LRRC36: variants seen among roughly 807,000 people sequenced by gnomAD.
LRRC36 encodes the protein leucine rich repeat containing 36.
In LRRC36, 62 loss-of-function variants were observed where a neutral mutation model predicts 81.1. The observed-to-expected ratio is 0.76, with a 90% CI of 0.62 to 0.94. The LOEUF is 0.94. Among genes scored for constraint, LRRC36 ranks in the 40% least tolerant of loss-of-function variants. The pLI, the probability that LRRC36 is intolerant of heterozygous loss-of-function variation, is 0.00. For missense variants in LRRC36, 761 were observed against 881.7 expected (o/e 0.86, Z 1.73); for synonymous variants, 334 against 348.6 (o/e 0.96, Z 0.47).
chr16:67,363,666 C>A lies in LRRC36; in HGVS notation c.654C>A (p.Gly218=). The stretch of plus-strand genomic sequence containing the variant: ...CCCTAAGTACTTCTGCAACTCAGGG[C>A]AATGGTACACGTGATCAGAAATTAG... ...KDSLSTSATQ[G]NGTRDQKLDT... Residue 218 remains glycine, a synonymous_variant, in exon 6 of 14, where the codon GGC becomes GGA. Transcript: ENST00000329956. 6.2e-7 allele frequency: 1 copy of A among 1,613,672 alleles called. No homozygotes were observed. Among genetic ancestry groups the A allele is most frequent in the Middle Eastern group, 1.6e-4 (1 of 6,062 alleles).
At chr16:67,369,264 C>A (rs1347251348) in intron 8 of LRRC36, among the ~76,000 whole-genome samples, 1 of 152,094 alleles carries the variant, frequency 6.6e-6, no homozygotes, top group Non-Finnish European at 1.5e-5. Flanking sequence ...GAGAAACCAT[C>A]ATGGAGAGTG....
At chr16:67,343,077 A>C (rs1041335583) in intron 2 of LRRC36, among the ~76,000 whole-genome samples, 4 of 152,232 alleles carry the variant, frequency 2.6e-5, no homozygotes, top group Non-Finnish European at 4.4e-5. Flanking sequence ...GTTCTTTCAC[A>C]GGTGATAGGA....
chr16:67,371,302 G>A (rs2142131104), intron 9 of LRRC36, 60 bp downstream of exon 9: 1 of 1,589,578 alleles, frequency 6.3e-7, no homozygotes. Context: ...ACCAGAATGA[G>A]GGTTCTGTTG....
At chr16:67,331,223 G>A (rs1349519460) in intron 1 of LRRC36, among the ~76,000 whole-genome samples, 2 of 152,102 alleles carry the variant, frequency 1.3e-5, no homozygotes, top group Non-Finnish European at 1.5e-5. Context: ...GCCCCACCTC[G>A]CAGTGCTGTT....
chr16:67,357,373 G>A (rs1375037138), intron 5 of LRRC36, among the ~76,000 whole-genome samples: 1 of 152,156 alleles, frequency 6.6e-6, no homozygotes, highest in Non-Finnish European at 1.5e-5. Context: ...TTAAATGTCA[G>A]GGATTGTGTT....
At chr16:67,376,894 T>G in intron 11 of LRRC36, 22 bp downstream of exon 11, 1 of 1,594,850 alleles carries the variant, frequency 6.3e-7, no homozygotes, top group Non-Finnish European at 8.6e-7. Context: ...TCATCTCCCT[T>G]TAGAAAAGGA....
chr16:67,361,664 C>T (rs2039150898), intron 5 of LRRC36, among the ~76,000 whole-genome samples: 1 of 152,112 alleles, frequency 6.6e-6, no homozygotes, highest in Admixed American at 6.5e-5. Flanking sequence ...CCTCTGCTTC[C>T]CGGGTTCAAG....
intron 6 of LRRC36, chr16:67,365,077 G>A: frequency 2.1e-6 from 1 of 481,142 alleles, no homozygotes. Context: ...GTCATTGTTT[G>A]CTATGTCCTT....
chr16:67,332,640 GTTTGTC>G (rs2037551850), intron 1 of LRRC36, among the ~76,000 whole-genome samples: 1 of 152,154 alleles, frequency 6.6e-6, no homozygotes, highest in Non-Finnish European at 1.5e-5. Context: ...ATTAAAGAAT[GTTTGTC>G]TTTGTGGCAG....
chr16:67,346,958 T>G (rs1419987722), intron 3 of LRRC36, among the ~76,000 whole-genome samples: 1 of 152,212 alleles, frequency 6.6e-6, no homozygotes, highest in Admixed American at 6.5e-5. Context: ...CACTGCCGCC[T>G]GGACCTCCCA....
intron 1 of LRRC36, among the ~76,000 whole-genome samples, chr16:67,328,210 A>T (rs2037295517): frequency 6.6e-6 from 1 of 152,036 alleles, no homozygotes; most frequent in African/African-American, 2.4e-5. Context: ...TCTGTGGGTA[A>T]TATAATAATT....
At position 67,351,477 on chromosome 16, in the gene LRRC36, T is replaced by G. The variant is rs75801147; in HGVS notation, c.577+1187T>G. On this transcript the variant is annotated intron_variant, in intron 5 of 13. Transcript: ENST00000329956. The stretch of plus-strand genomic sequence containing the variant: ...ATCTCAGCACTTTGGGAGGCTGAGA[T>G]GGGCAGATCACCTAAGGCCAGGAAT... Among the ~76,000 whole-genome samples the G allele has an allele frequency of 4.6e-3, 699 of 152,278 alleles. 4 individuals carry two copies. The highest frequency in any genetic ancestry group is 0.015 in the African/African-American group (644 of 41,554).
intron 7 of LRRC36, among the ~76,000 whole-genome samples, chr16:67,366,356 T>C (rs2039386763): frequency 6.6e-6 from 1 of 152,168 alleles, no homozygotes; most frequent in Non-Finnish European, 1.5e-5. Flanking sequence ...GGCTCATGCC[T>C]GTAATCCCAG....
intron 1 of LRRC36, among the ~76,000 whole-genome samples, chr16:67,331,175 C>T (rs1013643777): frequency 6.6e-6 from 1 of 151,366 alleles, no homozygotes; most frequent in Non-Finnish European, 1.5e-5. Flanking sequence ...TCCATGATAA[C>T]AGCATGAAGC....
intron 8 of LRRC36, among the ~76,000 whole-genome samples, chr16:67,369,789 A>G (rs930033422): frequency 5.9e-5 from 9 of 152,172 alleles, no homozygotes; most frequent in Middle Eastern, 6.3e-3. Context: ...GAGACTTACT[A>G]TCACCAAGAA....
At chr16:67,342,327 A>G (rs540089515) in intron 2 of LRRC36, among the ~76,000 whole-genome samples, 2 of 152,310 alleles carry the variant, frequency 1.3e-5, no homozygotes, top group East Asian at 3.9e-4. Flanking sequence ...ATCACTGTCT[A>G]GGGCAAATGC....
At chr16:67,344,812 T>C (rs750751677) in intron 2 of LRRC36, among the ~76,000 whole-genome samples, 7 of 152,136 alleles carry the variant, frequency 4.6e-5, no homozygotes, top group Admixed American at 6.6e-5. Context: ...AACAGGGTTG[T>C]GTTGGGAATG....
chr16:67,373,741 G>A (rs1288547303), intron 9 of LRRC36, among the ~76,000 whole-genome samples: 3 of 139,492 alleles, frequency 2.2e-5, no homozygotes, highest in South Asian at 2.3e-4. Flanking sequence ...AGCCAGGCAC[G>A]GTGGCTCATG....
chr16:67,366,324 T>A (rs1000879075), intron 7 of LRRC36, among the ~76,000 whole-genome samples: 7 of 151,916 alleles, frequency 4.6e-5, no homozygotes, highest in Admixed American at 6.6e-5. Flanking sequence ...ATTAAAAAAA[T>A]TTTTTTCGGA....
Sources: gnomAD v4.1 joint callset for allele counts (sites outside exome capture counted in the v4.1 genomes callset) on GRCh38, gnomAD v4.1.1 for gene constraint, MANE v1.5 for transcripts, NCBI Gene and HGNC (gene_info 2026-07-23, HGNC 2026-07-21) for gene names.